TSPAN9: variants seen among roughly 807,000 people sequenced by gnomAD.
TSPAN9 encodes tetraspanin 9.
A neutral mutation model predicts 31.0 loss-of-function variants in TSPAN9; 16 were observed. The ratio of observed to expected loss-of-function variants is 0.52; its 90% CI spans 0.35 to 0.78. The LOEUF (loss-of-function observed/expected upper bound fraction) is 0.78. Among genes scored for constraint, TSPAN9 ranks in the 30% least tolerant of loss-of-function variants. The pLI, the probability that TSPAN9 is intolerant of heterozygous loss-of-function variation, is 0.01. For synonymous variants in TSPAN9, 145 were observed against 121.6 expected (o/e 1.19, Z -1.27); for missense variants, 272 against 312.5 (o/e 0.87, Z 0.98).
At chr12:3,251,326 G>C (rs1388838337) in intron 3 of TSPAN9, among the ~76,000 whole-genome samples, 1 of 152,174 alleles carries the variant, frequency 6.6e-6, no homozygotes, top group Non-Finnish European at 1.5e-5. Context: ...CCCTCGCATT[G>C]GTGGCATCCT....
chr12:3,109,293 TGTGTGTGA>T (rs1355294928), intron 2 of TSPAN9, among the ~76,000 whole-genome samples: 1 of 117,092 alleles, frequency 8.5e-6, no homozygotes, highest in Admixed American at 7.8e-5. Context: ...TGTGTGTGTG[TGTGTGTGA>T]GAGAGAGTGT....
intron 2 of TSPAN9, among the ~76,000 whole-genome samples, chr12:3,138,183 CT>C (rs1005567894): frequency 1.3e-5 from 2 of 152,210 alleles, no homozygotes; most frequent in Non-Finnish European, 2.9e-5. Context: ...TTTTCCACCC[CT>C]GGGCTGGCCC....
intron 2 of TSPAN9, among the ~76,000 whole-genome samples, chr12:3,092,546 A>G (rs1016815601): frequency 6.6e-6 from 1 of 152,184 alleles, no homozygotes; most frequent in African/African-American, 2.4e-5. Flanking sequence ...CAGCAAGACA[A>G]GTAGGAAGGG....
At chr12:3,221,352 A>ATTTTTT (rs200531623) in intron 3 of TSPAN9, among the ~76,000 whole-genome samples, 10 of 131,704 alleles carry the variant, frequency 7.6e-5, no homozygotes, top group Non-Finnish European at 1.1e-4. Context: ...TATTTAAAAT[A>ATTTTTT]TTTTTCTCTT....
At chr12:3,203,741 C>A (rs2098373333) in intron 3 of TSPAN9, among the ~76,000 whole-genome samples, 1 of 152,132 alleles carries the variant, frequency 6.6e-6, no homozygotes, top group Admixed American at 6.5e-5. Context: ...AAGACATAGA[C>A]CTTAGGTAAG....
At position 3,214,476 on chromosome 12, in the gene TSPAN9, C is replaced by T. The variant is rs1040412272; in HGVS notation, c.63+13220C>T. Among the ~76,000 whole-genome samples the T allele has an allele frequency of 5.3e-5, 8 of 152,104 alleles. 1 individual carries two copies. Among genetic ancestry groups the T allele is most frequent in the Non-Finnish European group, 8.8e-5 (6 of 68,010 alleles). On this transcript the variant is annotated intron_variant, in intron 3 of 8. Coordinates refer to ENST00000011898, the MANE Select transcript of TSPAN9 (RefSeq NM_006675.5). ...CCGCGGGGCTGGGTCGGGACAGGAGCGCTGGGTTCCAGGGTGGACGAACTC... is the reference window on the plus strand; with the variant it reads ...CCGCGGGGCTGGGTCGGGACAGGAGTGCTGGGTTCCAGGGTGGACGAACTC...
intron 2 of TSPAN9, among the ~76,000 whole-genome samples, chr12:3,175,671 T>C (rs2098355142): frequency 6.6e-6 from 1 of 152,208 alleles, no homozygotes. Flanking sequence ...AGCCCAGATT[T>C]CTTTCGCTGT....
intron 2 of TSPAN9, among the ~76,000 whole-genome samples, chr12:3,089,453 C>A (rs376938595): frequency 1.1e-4 from 16 of 151,354 alleles, no homozygotes; most frequent in African/African-American, 3.6e-4. Context: ...TGTGCCACCA[C>A]GCCTGGCTAA....
At chr12:3,267,050 G>A (rs1284776623) in intron 3 of TSPAN9, among the ~76,000 whole-genome samples, 1 of 152,188 alleles carries the variant, frequency 6.6e-6, no homozygotes, top group African/African-American at 2.4e-5. Context: ...GTGGAGCCGA[G>A]GCAGCTCTGC....
intron 2 of TSPAN9, among the ~76,000 whole-genome samples, chr12:3,101,380 G>T (rs74057514): frequency 4.1e-4 from 63 of 152,206 alleles, no homozygotes; most frequent in African/African-American, 1.5e-3. Flanking sequence ...CCAAACCCAC[G>T]TCTGTTGCTT....
chr12:3,282,149 G>T, intron 8 of TSPAN9: 1 of 612,622 alleles, frequency 1.6e-6, no homozygotes, highest in South Asian at 1.9e-5. Context: ...GTGTCCCCCG[G>T]TCACCATCTT....
intron 3 of TSPAN9, among the ~76,000 whole-genome samples, chr12:3,215,611 C>T (rs1365370034): frequency 6.6e-6 from 1 of 152,228 alleles, no homozygotes; most frequent in Non-Finnish European, 1.5e-5. Flanking sequence ...ATTTCTCCAC[C>T]AGGCAGCCCC....
At chr12:3,176,969 A>C (rs1239638913) in intron 2 of TSPAN9, among the ~76,000 whole-genome samples, 5 of 151,772 alleles carry the variant, frequency 3.3e-5, no homozygotes, top group African/African-American at 1.2e-4. Flanking sequence ...CATGGACAGC[A>C]GGGCAAAACG....
intron 2 of TSPAN9, among the ~76,000 whole-genome samples, chr12:3,133,626 A>G (rs1894799): frequency 0.61 from 92,370 of 151,984 alleles, 28,253 homozygotes; most frequent in Admixed American, 0.66. Context: ...CAAAGAAAAC[A>G]AGGTCAGTGC....
At chr12:3,111,242 A>G (rs1394550836) in intron 2 of TSPAN9, among the ~76,000 whole-genome samples, 1 of 151,832 alleles carries the variant, frequency 6.6e-6, no homozygotes, top group Non-Finnish European at 1.5e-5. Flanking sequence ...TCCAGATCCT[A>G]CCTCCTCGTA....
At chr12:3,200,307 G>A (rs959932177) in intron 2 of TSPAN9, 5 of 152,382 alleles carry the variant, frequency 3.3e-5, no homozygotes, top group Admixed American at 6.5e-5. Flanking sequence ...CCCGGGGAGG[G>A]GGCTCCAGGC....
At chr12:3,165,791 G>A (rs1020566784) in intron 2 of TSPAN9, among the ~76,000 whole-genome samples, 2 of 152,192 alleles carry the variant, frequency 1.3e-5, no homozygotes, top group African/African-American at 2.4e-5. Flanking sequence ...TAGTATTCTC[G>A]TCCTGCTGCC....
chr12:3,270,082 T>G (rs2153979970), intron 3 of TSPAN9, among the ~76,000 whole-genome samples: 1 of 152,352 alleles, frequency 6.6e-6, no homozygotes, highest in Admixed American at 6.5e-5. Flanking sequence ...TCCTCGGACT[T>G]TGTTCCTTCT....
Position 3,170,169 on chromosome 12 carries a change from T to G in TSPAN9, c.-17-31008T>G, listed in dbSNP as rs112645402. Among the ~76,000 whole-genome samples, 462 of 152,316 alleles carry G rather than the reference T, an allele frequency of 3.0e-3. 2 individuals carry two copies. Among genetic ancestry groups the G allele is most frequent in the African/African-American group, 0.011 (445 of 41,560 alleles). ...AGGATTGAGTGAGGCAAACAGCCTGTAAATAGAGGGTGCTCAATAAATGTC... is the reference window on the plus strand; with the variant it reads ...AGGATTGAGTGAGGCAAACAGCCTGGAAATAGAGGGTGCTCAATAAATGTC... On this transcript the variant is annotated intron_variant, in intron 2 of 8. Coordinates refer to ENST00000011898, the MANE Select transcript of TSPAN9 (RefSeq NM_006675.5). The surrounding 1 kb of genome is among the most constrained non-coding windows in gnomAD (Gnocchi z 4.4).
Sources: allele counts gnomAD v4.1 joint callset (sites outside exome capture counted in the v4.1 genomes callset), GRCh38; gene constraint gnomAD v4.1.1; non-coding constraint Gnocchi (gnomAD v3.1); transcripts MANE v1.5; gene names NCBI Gene and HGNC (gene_info 2026-07-23, HGNC 2026-07-21).